The following FHOD3 variants were observed in gnomAD, a reference collection of about 807,000 sequenced individuals.
The protein encoded by FHOD3 is FH1/FH2 domain-containing protein 3.
FHOD3 carries 90 observed loss-of-function variants against 173.0 expected under a neutral mutation model. The observed-to-expected ratio is 0.52, with a 90% CI of 0.44 to 0.62. The LOEUF (loss-of-function observed/expected upper bound fraction) is 0.62, where lower values mean the gene tolerates loss of function less well. Ranked by LOEUF, FHOD3 falls within the 20% of genes least tolerant of loss-of-function variation. The probability of loss-of-function intolerance (pLI) is 0.00; values close to 1 mark genes in which losing one functional copy is unlikely to be tolerated. For synonymous variants in FHOD3, 828 were observed against 823.0 expected, an observed-to-expected ratio of 1.01 and a Z score of -0.10; for missense variants, 1,945 against 2,034.7, an observed-to-expected ratio of 0.96 and a Z score of 0.85.
At chr18:36,303,190 G>T (rs918977639) in intron 1 of FHOD3, among the ~76,000 whole-genome samples, 1 of 152,236 alleles carries the variant, frequency 6.6e-6, no homozygotes, top group Admixed American at 6.5e-5. Flanking sequence ...CCAATTAACA[G>T]ATGGGGAAAC....
intron 1 of FHOD3, among the ~76,000 whole-genome samples, chr18:36,326,043 G>T (rs754331003): frequency 1.3e-5 from 2 of 152,216 alleles, no homozygotes; most frequent in Admixed American, 1.3e-4. Context: ...CTCTGCAGTG[G>T]TATTGGCTGG....
At chr18:36,338,028 T>C (rs2045414056) in intron 1 of FHOD3, among the ~76,000 whole-genome samples, 1 of 152,184 alleles carries the variant, frequency 6.6e-6, no homozygotes, top group African/African-American at 2.4e-5. Context: ...GGCTGTCTGG[T>C]CACAGAGTTA....
chr18:36,666,630 T>C (rs1338604104), intron 14 of FHOD3, among the ~76,000 whole-genome samples: 1 of 152,244 alleles, frequency 6.6e-6, no homozygotes, highest in Admixed American at 6.5e-5. Context: ...AAGTATCAGA[T>C]ATTTTATGAA....
intron 10 of FHOD3, among the ~76,000 whole-genome samples, chr18:36,627,559 T>A (rs1247087763): frequency 6.6e-6 from 1 of 152,204 alleles, no homozygotes; most frequent in Non-Finnish European, 1.5e-5. Context: ...CTTTTTGGAA[T>A]TTCACTTTAC....
chr18:36,709,269 AAG>A lies in FHOD3; in HGVS notation c.2416_2417del (p.Arg806AlafsTer66). 6.2e-7 allele frequency: 1 copy of A among 1,614,212 alleles called. No individual in the cohort carries two copies. Among genetic ancestry groups the A allele is most frequent in the Non-Finnish European group, 8.5e-7 (1 of 1,180,042 alleles). Reference sequence around the variant, plus strand: ...GAAGAAAGAGCCTCCCTCAGTGAAAAAGAGAGGCAGAACGAGGGGGTGAACGA... The same window carrying A: ...GAAGAAAGAGCCTCCCTCAGTGAAAAAGAGGCAGAACGAGGGGGTGAACGA... On this transcript the variant is annotated frameshift_variant, in exon 18 of 29. Coordinates refer to ENST00000590592, the MANE Select transcript of FHOD3 (RefSeq NM_001281740.3). LOFTEE classifies it high-confidence loss of function.
intron 1 of FHOD3, among the ~76,000 whole-genome samples, chr18:36,353,264 A>T (rs563924210): frequency 1.8e-4 from 28 of 152,376 alleles, no homozygotes; most frequent in African/African-American, 6.7e-4. Flanking sequence ...ATCAAATAGG[A>T]TTAACCCCTT....
chr18:36,486,619 A>G lies in FHOD3; in HGVS notation c.338-15313A>G, dbSNP rs192987334. ...ACAAGTTATTTAAGGTCAATATTTAAGAGTTAGAACTAAAACTGAATTGTA... is the reference window on the plus strand; with the variant it reads ...ACAAGTTATTTAAGGTCAATATTTAGGAGTTAGAACTAAAACTGAATTGTA... On this transcript the variant is annotated intron_variant, in intron 3 of 28. Coordinates refer to ENST00000590592, the MANE Select transcript of FHOD3 (RefSeq NM_001281740.3). 1.3e-4 allele frequency among the ~76,000 whole-genome samples: 20 copies of G among 152,348 alleles called. No homozygotes were observed. The East Asian group carries it at 3.3e-3, about 25-fold the overall frequency.
chr18:36,617,267 T>C (rs763112409), intron 9 of FHOD3, among the ~76,000 whole-genome samples: 9 of 152,248 alleles, frequency 5.9e-5, no homozygotes, highest in Non-Finnish European at 1.2e-4. Flanking sequence ...TCTTGTAAGA[T>C]GAGTGAAAGG....
chr18:36,515,202 T>C (rs2055897720), intron 5 of FHOD3, among the ~76,000 whole-genome samples: 1 of 152,134 alleles, frequency 6.6e-6, no homozygotes. Context: ...ACCATGAAGC[T>C]TACAGCCGTT....
At chr18:36,756,146 G>C (rs992372435) in intron 25 of FHOD3, among the ~76,000 whole-genome samples, 1 of 152,164 alleles carries the variant, frequency 6.6e-6, no homozygotes, top group African/African-American at 2.4e-5. Context: ...AACCAGGCTA[G>C]CATCTCACTT....
At chr18:36,578,496 T>TC (rs1453319625) in intron 6 of FHOD3, among the ~76,000 whole-genome samples, 2 of 152,080 alleles carry the variant, frequency 1.3e-5, no homozygotes, top group Non-Finnish European at 2.9e-5. Flanking sequence ...CCAAACCATA[T>TC]CACATGTGGT....
intron 16 of FHOD3, among the ~76,000 whole-genome samples, chr18:36,690,974 A>T (rs1319421658): frequency 6.6e-6 from 1 of 152,092 alleles, no homozygotes; most frequent in Non-Finnish European, 1.5e-5. Context: ...GACAATTCAG[A>T]TTAAACCTCT....
At chr18:36,432,727 T>A (rs1014749383) in intron 3 of FHOD3, among the ~76,000 whole-genome samples, 7 of 152,216 alleles carry the variant, frequency 4.6e-5, no homozygotes, top group African/African-American at 1.7e-4. Context: ...TCCTTCTTGC[T>A]GGTTTTGAAA....
At chr18:36,565,503 C>T (rs375562813) in intron 5 of FHOD3, among the ~76,000 whole-genome samples, 17 of 152,324 alleles carry the variant, frequency 1.1e-4, no homozygotes, top group Non-Finnish European at 1.9e-4. Flanking sequence ...GTATCCCCAT[C>T]TTCATTCCCA....
chr18:36,636,671 T>TTTTCAA (rs2034910774), intron 10 of FHOD3, among the ~76,000 whole-genome samples: 1 of 151,682 alleles, frequency 6.6e-6, no homozygotes, highest in African/African-American at 2.4e-5. Context: ...TTTTTTTTTT[T>TTTTCAA]CCAGCCATGT....
At chr18:36,671,157 C>A (rs1169130804) in intron 14 of FHOD3, among the ~76,000 whole-genome samples, 1 of 152,262 alleles carries the variant, frequency 6.6e-6, no homozygotes, top group African/African-American at 2.4e-5. Flanking sequence ...AGAGGTCTCT[C>A]TCTCTCTGTA....
At chr18:36,535,209 GT>G (rs921299483) in intron 5 of FHOD3, among the ~76,000 whole-genome samples, 5 of 152,126 alleles carry the variant, frequency 3.3e-5, no homozygotes, top group African/African-American at 1.2e-4. Context: ...GAAATATATA[GT>G]TTTCACTCTC....
intron 14 of FHOD3, among the ~76,000 whole-genome samples, chr18:36,679,366 G>T (rs934582407): frequency 4.0e-5 from 6 of 151,182 alleles, no homozygotes; most frequent in African/African-American, 1.5e-4. Flanking sequence ...TAGTTTTGTT[G>T]ATTTTTGTCT....
chr18:36,527,238 C>T (rs1242780677), intron 5 of FHOD3, among the ~76,000 whole-genome samples: 2 of 152,022 alleles, frequency 1.3e-5, no homozygotes, highest in Admixed American at 6.6e-5. Context: ...TCTTTAAAGC[C>T]GAGGGAGAGA....
Sources: allele counts gnomAD v4.1 joint callset (sites outside exome capture counted in the v4.1 genomes callset), GRCh38; gene constraint gnomAD v4.1.1; transcripts MANE v1.5; gene names NCBI Gene and HGNC (gene_info 2026-07-23, HGNC 2026-07-21).